BICRA: variants seen among roughly 807,000 people sequenced by gnomAD.
BICRA encodes BRD4 interacting chromatin remodeling complex associated protein, also known as BRD4-interacting chromatin-remodeling complex-associated protein.
BICRA carries 31 observed loss-of-function variants against 96.9 expected under a neutral mutation model. The observed-to-expected ratio is 0.32, with a 90% CI of 0.24 to 0.43. The LOEUF (loss-of-function observed/expected upper bound fraction) is 0.43. Ranked by LOEUF, BICRA falls within the 20% of genes least tolerant of loss-of-function variation. The pLI, the probability that BICRA is intolerant of heterozygous loss-of-function variation, is 1.00. For missense variants in BICRA, 2,283 were observed against 2,190.3 expected (o/e 1.04, Z -0.84); for synonymous variants, 1,350 against 1,071.8 (o/e 1.26, Z -5.07).
At position 47,673,768 on chromosome 19, in the gene BICRA, C is replaced by T. The variant is rs1972901121; in HGVS notation, c.84+6C>T. The stretch of plus-strand genomic sequence containing the variant: ...TCTTGCATGGATCCGAGAAGGTAAG[C>T]ATGGGCGCAGGGAGAGGCATTCCCT... On this transcript the variant is annotated splice_donor_region_variant and intron_variant, in intron 4 of 14. Transcript: ENST00000594866. The T allele has an allele frequency of 1.2e-6, 2 of 1,610,974 alleles. No homozygotes were observed. The highest frequency in any genetic ancestry group is 1.3e-5 in the African/African-American group (1 of 74,788).
Position 47,679,778 on chromosome 19 carries a change from T to C in BICRA, c.608T>C (p.Leu203Pro). ...CAGCCCTTCCTGCAGCCTGTGGGCC[T>C]GGGCAATGTGACACTGCAGCCCATC... Reference protein sequence around the residue: ...SVQPFLQPVGLGNVTLQPIPG... With the variant: ...SVQPFLQPVGPGNVTLQPIPG... Residue 203 changes from leucine to proline, a missense_variant, in exon 6 of 15, where the codon CTG becomes CCG. Physicochemically the swap from Leu to Pro is moderately conservative, Grantham distance 98. Coordinates refer to ENST00000594866, the MANE Select transcript of BICRA (RefSeq NM_001394372.1). 1 of 1,503,592 alleles carries C rather than the reference T, an allele frequency of 6.7e-7. No homozygotes were observed. 93.1% of individuals were successfully genotyped at this position (1,503,592 alleles called of 1,614,324 possible). A position where few individuals can be genotyped will look rare whatever the true frequency, so the allele number is the denominator to read the frequency against.
At chr19:47,641,707 T>C (rs1972387871) in intron 1 of BICRA, among the ~76,000 whole-genome samples, 2 of 152,334 alleles carry the variant, frequency 1.3e-5, no homozygotes, top group African/African-American at 2.4e-5. Flanking sequence ...ATAGGAATTT[T>C]AGGATTTTTT....
At chr19:47,633,246 A>AT (rs1349839795) in intron 1 of BICRA, among the ~76,000 whole-genome samples, 2 of 151,586 alleles carry the variant, frequency 1.3e-5, no homozygotes, top group South Asian at 2.1e-4. Context: ...CGCCCGACTA[A>AT]TTTTTTTATT....
At chr19:47,686,236 A>AT (rs1161454460) in intron 7 of BICRA, among the ~76,000 whole-genome samples, 1 of 151,620 alleles carries the variant, frequency 6.6e-6, no homozygotes, top group African/African-American at 2.4e-5. Context: ...CGGCACAAGA[A>AT]TTTCATTTTA....
chr19:47,648,242 C>CT (rs34532639), intron 1 of BICRA, among the ~76,000 whole-genome samples: 71,292 of 151,320 alleles, frequency 0.47, 17,453 homozygotes, highest in East Asian at 0.77. Flanking sequence ...TAACCCACCC[C>CT]GTGCCCTTTC....
Position 47,632,121 on chromosome 19 carries a change from G to C in BICRA, c.-108+22953G>C, listed in dbSNP as rs558229227. Among the ~76,000 whole-genome samples, 13 of 152,312 alleles carry C rather than the reference G, an allele frequency of 8.5e-5. No individual in the cohort carries two copies. In the South Asian group the frequency reaches 2.7e-3, roughly 32 times the overall value. ...ATGGGAGGGCTTTGAGCTGGGGAGT[G>C]ACCCGACCTGACATTTTTATATCCA... On this transcript the variant is annotated intron_variant, in intron 1 of 14. Transcript: ENST00000594866.
intron 1 of BICRA, among the ~76,000 whole-genome samples, chr19:47,612,232 C>T (rs561634816): frequency 3.9e-5 from 6 of 151,910 alleles, no homozygotes; most frequent in South Asian, 4.2e-4. Context: ...CTAGGCAACA[C>T]GGTGAGACCC....
chr19:47,699,435 G>A lies in BICRA; in HGVS notation c.3595+30G>A. ...GAGGGGGGAGTGAGAGGGGAGGGGA[G>A]GGAGAGGTGCCCCCACCCCACCTGG... On this transcript the variant is annotated intron_variant, in intron 14 of 14. Transcript: ENST00000594866. This position sits in a 1 kb window ranked among gnomAD's most constrained non-coding sequence, Gnocchi z 5.0. 7.9e-7 allele frequency: 1 copy of A among 1,262,390 alleles called. No homozygotes were observed. Among genetic ancestry groups the A allele is most frequent in the Non-Finnish European group, 1.1e-6 (1 of 883,110 alleles). 78.2% of individuals were successfully genotyped at this position (1,262,390 alleles called of 1,614,324 possible).
chr19:47,651,725 G>A (rs1972543541), intron 1 of BICRA, among the ~76,000 whole-genome samples: 1 of 152,180 alleles, frequency 6.6e-6, no homozygotes, highest in Non-Finnish European at 1.5e-5. Context: ...AGAAGTGGGA[G>A]GTCAGTTAGA....
intron 7 of BICRA, among the ~76,000 whole-genome samples, chr19:47,682,750 C>T (rs560212149): frequency 6.6e-6 from 1 of 151,656 alleles, no homozygotes; most frequent in East Asian, 1.9e-4. Flanking sequence ...TGGCTCACTG[C>T]AACCTCCGCC....
intron 1 of BICRA, among the ~76,000 whole-genome samples, chr19:47,643,483 C>T (rs1218973744): frequency 5.3e-5 from 8 of 152,148 alleles, no homozygotes; most frequent in Admixed American, 2.0e-4. Flanking sequence ...CCCTGGCATC[C>T]AGCCATGACC....
chr19:47,693,648 C>T lies in BICRA; in HGVS notation c.2284-467C>T, dbSNP rs184579879. On this transcript the variant is annotated intron_variant, in intron 7 of 14. Transcript: ENST00000594866. ...ACTTGGCTGGATGGGCTGGTGGGGG[C>T]TGGCGGCTGGGACGCTGCCCTGCCT... Among the ~76,000 whole-genome samples, 767 of 152,302 alleles carry T rather than the reference C, an allele frequency of 5.0e-3. 3 individuals are homozygous for T. The highest frequency in any genetic ancestry group is 0.018 in the African/African-American group (733 of 41,564).
chr19:47,615,839 C>T (rs984142676), intron 1 of BICRA: 1 of 152,192 alleles, frequency 6.6e-6, no homozygotes, highest in Admixed American at 6.5e-5. Context: ...AAAATGGGCC[C>T]ATGATGCCTC....
Position 47,694,731 on chromosome 19 carries a change from C to A in BICRA, c.2895+5C>A. ...CTTCTCGAGAGATTTCACCAGGTAACGGGAGGCAGGGACTGCCCGCCCCAT... is the reference window on the plus strand; with the variant it reads ...CTTCTCGAGAGATTTCACCAGGTAAAGGGAGGCAGGGACTGCCCGCCCCAT... On this transcript the variant is annotated splice_donor_5th_base_variant and intron_variant, in intron 8 of 14. Coordinates refer to ENST00000594866, the MANE Select transcript of BICRA (RefSeq NM_001394372.1). The A allele has an allele frequency of 7.0e-7, 1 of 1,431,250 alleles. No homozygotes were observed. Among genetic ancestry groups the A allele is most frequent in the Non-Finnish European group, 9.6e-7 (1 of 1,037,598 alleles). 88.7% of individuals were successfully genotyped at this position (1,431,250 alleles called of 1,614,324 possible).
chr19:47,695,411 C>T lies in BICRA; in HGVS notation c.3123C>T (p.Asn1041=). Residue 1041 remains asparagine, a synonymous_variant, in exon 10 of 15, where the codon AAC becomes AAT. Coordinates refer to ENST00000594866, the MANE Select transcript of BICRA (RefSeq NM_001394372.1). ...CCGAGAACAAGGCTTTTGCCAGCAA[C>T]CTCCCGACCCTGAATGTGGCCAAGG... ...LPAENKAFAS[N]LPTLNVAKAA... The T allele has an allele frequency of 1.3e-6, 2 of 1,585,014 alleles. No homozygotes were observed. Among genetic ancestry groups the T allele is most frequent in the Non-Finnish European group, 1.7e-6 (2 of 1,166,456 alleles).
At position 47,675,920 on chromosome 19, in the gene BICRA, A is replaced by G. The variant is rs1952389020; in HGVS notation, c.150+4A>G. ...TGCCTTCTATGAAGGTCCTGGGGTA[A>G]GTGCCGTGGCTCCCGATCATTGCCT... On this transcript the variant is annotated splice_donor_region_variant and intron_variant, in intron 5 of 14. Coordinates refer to ENST00000594866, the MANE Select transcript of BICRA (RefSeq NM_001394372.1). This position sits in a 1 kb window ranked among gnomAD's most constrained non-coding sequence, Gnocchi z 4.7. 1.3e-6 allele frequency: 2 copies of G among 1,598,544 alleles called. No homozygotes were observed. The highest frequency in any genetic ancestry group is 1.7e-6 in the Non-Finnish European group (2 of 1,170,774).
At chr19:47,672,312 GTAGA>G (rs1298793291) in intron 2 of BICRA, among the ~76,000 whole-genome samples, 2 of 147,556 alleles carry the variant, frequency 1.4e-5, no homozygotes, top group Non-Finnish European at 3.0e-5. Flanking sequence ...GGATGGGTAG[GTAGA>G]TGGATGGAAG....
At chr19:47,695,342 T>TCAC in intron 9 of BICRA, 23 bp from the exon 10 acceptor site, 11 of 630,196 alleles carry the variant, frequency 1.7e-5, no homozygotes, top group Admixed American at 2.9e-5. Context: ...AGGCCCTGTC[T>TCAC]CCCCCACCCC....
intron 7 of BICRA, among the ~76,000 whole-genome samples, chr19:47,685,260 A>C (rs1227656354): frequency 6.6e-6 from 1 of 151,892 alleles, no homozygotes; most frequent in Admixed American, 6.6e-5. Context: ...GGCTGGGATT[A>C]TGGACGTGAG....
Sources: gnomAD v4.1 joint callset for allele counts (sites outside exome capture counted in the v4.1 genomes callset) on GRCh38, gnomAD v4.1.1 for gene constraint, Gnocchi (gnomAD v3.1) non-coding constraint, MANE v1.5 for transcripts, NCBI Gene and HGNC (gene_info 2026-07-23, HGNC 2026-07-21) for gene names.